Variants in GRPR observed in about 807,000 individuals in gnomAD.
The protein encoded by GRPR is gastrin-releasing peptide receptor.
Under a neutral mutation model 15.6 loss-of-function variants are expected in GRPR, and 4 were observed. The ratio of observed to expected loss-of-function variants is 0.26; its 90% CI spans 0.13 to 0.59. The LOEUF (loss-of-function observed/expected upper bound fraction) is 0.59, where lower values mean the gene tolerates loss of function less well. Ranked by LOEUF, GRPR falls within the 20% of genes least tolerant of loss-of-function variation. The probability of loss-of-function intolerance (pLI) is 0.90; values close to 1 mark genes in which losing one functional copy is unlikely to be tolerated. For synonymous variants in GRPR, 128 were observed against 126.8 expected (o/e 1.01, Z -0.06); for missense variants, 270 against 304.1 (o/e 0.89, Z 0.83).
intron 1 of GRPR, among the ~76,000 whole-genome samples, chrX:16,132,296 G>A (rs1445885657): frequency 3.6e-5 from 4 of 111,922 alleles, no homozygotes; most frequent in African/African-American, 6.5e-5. Flanking sequence ...AGATTTTATG[G>A]GGACTCTTGG....
chrX:16,126,294 T>G (rs1922290515), intron 1 of GRPR, among the ~76,000 whole-genome samples: 1 of 112,427 alleles, frequency 8.9e-6, no homozygotes, highest in African/African-American at 3.2e-5. Context: ...TCACAGGTAG[T>G]GCATCTAACC....
chrX:16,124,035 C>G lies in GRPR; in HGVS notation c.82C>G (p.Leu28Val). ...HCNISSHSADLPVNDDWSHPG... is the reference protein window; with the variant it reads ...HCNISSHSADVPVNDDWSHPG... ...CAACATCTCCAGTCACAGTGCGGAT[C>G]TCCCCGTGAACGATGACTGGTCCCA... Residue 28 changes from leucine (L) to valine (V), a missense_variant, in exon 1 of 3, where the codon CTC (leucine) becomes GTC (valine). Coordinates refer to ENST00000380289, the MANE Select transcript of GRPR (RefSeq NM_005314.3). The G allele has an allele frequency of 8.3e-7, 1 of 1,203,351 alleles. No individual in the cohort carries two copies. Among genetic ancestry groups the G allele is most frequent in the Non-Finnish European group, 1.1e-6 (1 of 887,938 alleles).
At chrX:16,152,176 G>A (rs1249813302) in intron 2 of GRPR, 80 bp from the exon 3 acceptor site, 11 of 873,103 alleles carry the variant, frequency 1.3e-5, no homozygotes, top group Non-Finnish European at 1.9e-5. Context: ...CTCTTTCTCT[G>A]CCTGAATCTT....
rs1922241838 is a variant in GRPR at position 16,123,739 on chromosome X, T to C, written c.-215T>C. On this transcript the variant is annotated 5_prime_UTR_variant, in exon 1 of 3. Transcript: ENST00000380289. ...TTAACTTATTGAATTTAGAGTTGTATTGCACTGGTCATGTGAAAGCCAGAG... is the reference window on the plus strand; with the variant it reads ...TTAACTTATTGAATTTAGAGTTGTACTGCACTGGTCATGTGAAAGCCAGAG... 4.4e-6 allele frequency: 2 copies of C among 455,093 alleles called. No homozygotes were observed. The highest frequency in any genetic ancestry group is 7.7e-6 in the Non-Finnish European group (2 of 260,586). The allele number at this position is 455,093 out of a possible 1,213,427, so 37.5% of individuals were successfully genotyped here.
chrX:16,136,801 G>T (rs191499775), intron 1 of GRPR, among the ~76,000 whole-genome samples: 35 of 112,104 alleles, frequency 3.1e-4, no homozygotes, highest in African/African-American at 1.1e-3. Flanking sequence ...AAATATACAC[G>T]GTGATAATAC....
chrX:16,132,315 C>T (rs28613053), intron 1 of GRPR, among the ~76,000 whole-genome samples: 7,479 of 111,518 alleles, frequency 0.067, 292 homozygotes, highest in Non-Finnish European at 0.098. Context: ...GGAGTGGGGG[C>T]ATTTTTAAAG....
chrX:16,123,838 A>G lies in GRPR; in HGVS notation c.-116A>G, dbSNP rs1922243660. ...GTATATATGTACTCAGAGTATTTTT[A>G]TTAAAGAAGGCAAAGAGCCCGGCAT... On this transcript the variant is annotated 5_prime_UTR_variant, in exon 1 of 3. Transcript: ENST00000380289. The G allele has an allele frequency of 5.1e-6, 3 of 587,868 alleles. No homozygotes were observed. Among genetic ancestry groups the G allele is most frequent in the Admixed American group, 2.5e-5 (1 of 40,403 alleles). The allele number at this position is 587,868 out of a possible 1,213,427, so 48.4% of individuals were successfully genotyped here.
chrX:16,137,727 G>A (rs1328767348), intron 1 of GRPR, among the ~76,000 whole-genome samples: 1 of 111,401 alleles, frequency 9.0e-6, no homozygotes, highest in South Asian at 3.8e-4. Flanking sequence ...GAGTGATTTT[G>A]GGTAAAAGGG....
At chrX:16,125,188 A>AT (rs1207186353) in intron 1 of GRPR, among the ~76,000 whole-genome samples, 1 of 112,669 alleles carries the variant, frequency 8.9e-6, no homozygotes, top group African/African-American at 3.2e-5. Context: ...TCTTAAAACT[A>AT]TATATTCATT....
chrX:16,129,932 G>A (rs139319659), intron 1 of GRPR, among the ~76,000 whole-genome samples: 137 of 111,194 alleles, frequency 1.2e-3, no homozygotes, highest in Non-Finnish European at 2.2e-3. Flanking sequence ...CCTCCCACAT[G>A]TGCCACCAGA....
chrX:16,138,653 C>T (rs1478282178), intron 1 of GRPR, among the ~76,000 whole-genome samples: 1 of 112,199 alleles, frequency 8.9e-6, no homozygotes, highest in Non-Finnish European at 1.9e-5. Context: ...TGATAACAAG[C>T]TTGAAAACTA....
At chrX:16,126,287 C>T (rs773685499) in intron 1 of GRPR, among the ~76,000 whole-genome samples, 1 of 112,201 alleles carries the variant, frequency 8.9e-6, no homozygotes, top group East Asian at 2.8e-4. Flanking sequence ...ACCTGAATCA[C>T]AGGTAGTGCA....
intron 1 of GRPR, among the ~76,000 whole-genome samples, chrX:16,131,178 T>A (rs1922370904): frequency 8.9e-6 from 1 of 112,449 alleles, no homozygotes; most frequent in Non-Finnish European, 1.9e-5. Flanking sequence ...GAACTGTGCC[T>A]GTCAATAACA....
intron 1 of GRPR, among the ~76,000 whole-genome samples, chrX:16,139,310 C>T (rs916355684): frequency 3.6e-5 from 4 of 112,287 alleles, no homozygotes; most frequent in Non-Finnish European, 7.5e-5. Flanking sequence ...CTAGTGGACT[C>T]GCTTTCCTTT....
At chrX:16,141,737 C>G (rs1922533619) in intron 1 of GRPR, among the ~76,000 whole-genome samples, 1 of 112,039 alleles carries the variant, frequency 8.9e-6, no homozygotes, top group Admixed American at 9.4e-5. Context: ...AGGAAAGTAC[C>G]AAAGCCTCTA....
chrX:16,139,238 G>A (rs749460034), intron 1 of GRPR, among the ~76,000 whole-genome samples: 4 of 111,929 alleles, frequency 3.6e-5, no homozygotes, highest in East Asian at 5.6e-4. Context: ...TGAGTGCACC[G>A]TTAGCATGAC....
Position 16,152,904 on chromosome X carries a change from T to C in GRPR, c.*259T>C, listed in dbSNP as rs1922738822. 2.6e-6 allele frequency: 1 copy of C among 387,934 alleles called. No homozygotes were observed. The highest frequency in any genetic ancestry group is 4.3e-5 in the Admixed American group (1 of 23,475). 32.0% of individuals were successfully genotyped at this position (387,934 alleles called of 1,213,427 possible). Reference sequence around the variant, plus strand: ...TTCCCTTTTCAGAAAAGGGAACAAGTAGAAAATTATTTTTTAAGCCTCAAG... The same window carrying C: ...TTCCCTTTTCAGAAAAGGGAACAAGCAGAAAATTATTTTTTAAGCCTCAAG... On this transcript the variant is annotated 3_prime_UTR_variant, in exon 3 of 3. Coordinates refer to ENST00000380289, the MANE Select transcript of GRPR (RefSeq NM_005314.3).
In GRPR at chrX:16,150,596, A is replaced by G; in HGVS notation, c.705A>G (p.Lys235=). ...CTGTTTACTACTACTTCATTGCTAA[A>G]AATCTGATCCAGAGTGCTTACAATC... The part of the protein sequence containing the change: ...IISVYYYFIA[K]NLIQSAYNLP... The change falls in exon 2 of 3, where the codon AAA becomes AAG. Residue 235 remains lysine (K), a synonymous_variant. Transcript: ENST00000380289. The G allele has an allele frequency of 1.7e-6, 2 of 1,201,786 alleles. No homozygotes were observed. Among genetic ancestry groups the G allele is most frequent in the Non-Finnish European group, 2.3e-6 (2 of 886,238 alleles).
At chrX:16,147,357 T>C (rs1342643751) in intron 1 of GRPR, among the ~76,000 whole-genome samples, 1 of 112,194 alleles carries the variant, frequency 8.9e-6, no homozygotes, top group African/African-American at 3.2e-5. Context: ...TTCACAAATA[T>C]CTTTTTATTG....
Sources: gnomAD v4.1 joint callset for allele counts (sites outside exome capture counted in the v4.1 genomes callset) on GRCh38, gnomAD v4.1.1 for gene constraint, MANE v1.5 for transcripts, NCBI Gene and HGNC (gene_info 2026-07-23, HGNC 2026-07-21) for gene names.